Variants in MET observed in about 807,000 individuals in gnomAD.
MET encodes the protein hepatocyte growth factor receptor.
A neutral mutation model predicts 133.1 loss-of-function variants in MET; 48 were observed. That is an observed-to-expected ratio of 0.36 (90% confidence interval 0.29 to 0.46). MET has a LOEUF of 0.46. MET is among the 20% of genes least tolerant of loss of function. MET has a pLI of 1.00. For missense variants in MET, 1,442 were observed against 1,695.9 expected (o/e 0.85, Z 2.63); for synonymous variants, 628 against 616.5 (o/e 1.02, Z -0.28).
intron 2 of MET, among the ~76,000 whole-genome samples, chr7:116,729,048 C>G (rs1317631627): frequency 6.6e-6 from 1 of 152,220 alleles, no homozygotes; most frequent in Non-Finnish European, 1.5e-5. Flanking sequence ...CTCCTTTAAG[C>G]AGATTCCCTT....
chr7:116,791,894 T>G (rs35314984), intron 19 of MET, among the ~76,000 whole-genome samples: 22,219 of 152,180 alleles, frequency 0.15, 2,036 homozygotes, highest in East Asian at 0.28. Context: ...CTTCAAGTGA[T>G]CCGCCTGCCT....
At chr7:116,738,326 A>G (rs1793311356) in intron 3 of MET, among the ~76,000 whole-genome samples, 1 of 152,306 alleles carries the variant, frequency 6.6e-6, no homozygotes, top group East Asian at 1.9e-4. Context: ...GGTAACCAAA[A>G]TCTGGAGAAT....
chr7:116,740,846 T>C lies in MET; in HGVS notation c.1528-6T>C, dbSNP rs940134190. ...TGGAAGCTCTTTCCACCCCTTCTCT[T>C]CACAGATCACGAAGATCCCATTGAA... On this transcript the variant is annotated splice_polypyrimidine_tract_variant and splice_region_variant and intron_variant, in intron 4 of 20. Coordinates refer to ENST00000397752, the MANE Select transcript of MET (RefSeq NM_000245.4). 4.3e-6 allele frequency: 7 copies of C among 1,613,904 alleles called. No homozygotes were observed. In the African/African-American group the frequency reaches 9.3e-5, roughly 22 times the overall value.
intron 19 of MET, among the ~76,000 whole-genome samples, chr7:116,793,342 T>C (rs1795571897): frequency 6.6e-6 from 1 of 151,980 alleles, no homozygotes; most frequent in African/African-American, 2.4e-5. Flanking sequence ...GCCTGGCTAA[T>C]TTTTGTATTT....
chr7:116,695,355 G>A (rs996893026), intron 1 of MET, among the ~76,000 whole-genome samples: 4 of 152,068 alleles, frequency 2.6e-5, no homozygotes, highest in African/African-American at 9.7e-5. Flanking sequence ...CCAAAAATTT[G>A]CTAGTACATT....
chr7:116,760,492 A>G (rs1391842538), intron 10 of MET, among the ~76,000 whole-genome samples: 2 of 152,180 alleles, frequency 1.3e-5, no homozygotes, highest in Non-Finnish European at 2.9e-5. Flanking sequence ...TTTCTCTAAT[A>G]TAAAATACCA....
intron 19 of MET, among the ~76,000 whole-genome samples, chr7:116,784,596 CT>C (rs1342047696): frequency 6.6e-6 from 1 of 152,156 alleles, no homozygotes; most frequent in East Asian, 1.9e-4. Flanking sequence ...CCTGAGAACT[CT>C]ATCACAAGAA....
rs928178624 is a variant in MET, at chr7:116,757,863, TGGA to T, written c.2102+91_2102+93del. The T allele has an allele frequency of 2.8e-6, 4 of 1,411,472 alleles. No homozygotes were observed. In the African/African-American group the frequency reaches 4.2e-5, roughly 15 times the overall value. 87.4% of individuals were successfully genotyped at this position (1,411,472 alleles called of 1,614,324 possible). On this transcript the variant is annotated intron_variant, in intron 8 of 20. Transcript: ENST00000397752. ...AAGCAGATTGTTTTGTGTGTGTGTG[TGGA>T]GAAGAAAAATCAAGATGTTTATTTG...
At chr7:116,683,837 G>T (rs1270971153) in intron 1 of MET, among the ~76,000 whole-genome samples, 1 of 152,076 alleles carries the variant, frequency 6.6e-6, no homozygotes, top group African/African-American at 2.4e-5. Flanking sequence ...GCCTACAATT[G>T]TTCTTTTTAC....
At chr7:116,768,362 AT>A (rs1406266599) in intron 11 of MET, among the ~76,000 whole-genome samples, 1 of 152,138 alleles carries the variant, frequency 6.6e-6, no homozygotes, top group Non-Finnish European at 1.5e-5. Context: ...TAAGGGTTTT[AT>A]CCCCCTTCAG....
intron 19 of MET, among the ~76,000 whole-genome samples, chr7:116,785,089 A>T (rs1173670558): frequency 2.0e-5 from 3 of 152,118 alleles, no homozygotes; most frequent in South Asian, 4.1e-4. Context: ...AATTTTTTTG[A>T]CTCCATGTCT....
chr7:116,672,914 G>A (rs1796025202), intron 1 of MET, among the ~76,000 whole-genome samples: 1 of 152,068 alleles, frequency 6.6e-6, no homozygotes, highest in Non-Finnish European at 1.5e-5. Context: ...GGTCATCCTC[G>A]TCCCACCGTG....
intron 3 of MET, among the ~76,000 whole-genome samples, chr7:116,732,455 A>G (rs1793048857): frequency 6.6e-6 from 1 of 152,204 alleles, no homozygotes; most frequent in Admixed American, 6.5e-5. Context: ...AAAAGTTTCC[A>G]TTTCAACTTA....
intron 2 of MET, among the ~76,000 whole-genome samples, chr7:116,700,701 T>C (rs901964224): frequency 1.3e-4 from 20 of 152,208 alleles, no homozygotes; most frequent in Non-Finnish European, 2.4e-4. Flanking sequence ...TTACAAGATG[T>C]TCAAGCTAAT....
intron 14 of MET, among the ~76,000 whole-genome samples, chr7:116,774,304 C>T (rs1794923198): frequency 6.6e-6 from 1 of 152,232 alleles, no homozygotes; most frequent in Admixed American, 6.5e-5. Flanking sequence ...AACCTGCCTT[C>T]TCTAAACAAC....
chr7:116,743,158 A>G (rs911270597), intron 5 of MET, among the ~76,000 whole-genome samples: 1 of 152,200 alleles, frequency 6.6e-6, no homozygotes, highest in African/African-American at 2.4e-5. Context: ...CCCTAGCAAA[A>G]GGAATCCTTG....
intron 5 of MET, among the ~76,000 whole-genome samples, chr7:116,754,152 T>G (rs1044566601): frequency 6.6e-6 from 1 of 151,876 alleles, no homozygotes; most frequent in African/African-American, 2.4e-5. Flanking sequence ...AATAAGTAAA[T>G]AATGAATGAA....
intron 2 of MET, among the ~76,000 whole-genome samples, chr7:116,712,663 G>A (rs867827441): frequency 3.9e-5 from 6 of 152,042 alleles, no homozygotes; most frequent in Non-Finnish European, 8.8e-5. Context: ...AAAAACTGGG[G>A]AGTTTTACTC....
At chr7:116,674,805 A>C (rs1584844252) in intron 1 of MET, among the ~76,000 whole-genome samples, 1 of 152,142 alleles carries the variant, frequency 6.6e-6, no homozygotes, top group East Asian at 1.9e-4. Flanking sequence ...TCTCCAGCCC[A>C]GTTTGCTCGT....
Sources: allele counts gnomAD v4.1 joint callset (sites outside exome capture counted in the v4.1 genomes callset), GRCh38; gene constraint gnomAD v4.1.1; transcripts MANE v1.5; gene names NCBI Gene and HGNC (gene_info 2026-07-23, HGNC 2026-07-21).